FER: variants seen among roughly 807,000 people sequenced by gnomAD.
The protein encoded by FER is FER tyrosine kinase.
Under a neutral mutation model 111.0 loss-of-function variants are expected in FER, and 63 were observed. The observed-to-expected ratio is 0.57, with a 90% CI of 0.46 to 0.70. The LOEUF (loss-of-function observed/expected upper bound fraction) is 0.70. FER is among the 30% of genes least tolerant of loss of function. The probability of loss-of-function intolerance (pLI) is 0.00; values close to 1 mark genes in which losing one functional copy is unlikely to be tolerated. For missense variants in FER, 914 were observed against 954.0 expected (o/e 0.96, Z 0.55); for synonymous variants, 327 against 313.9 (o/e 1.04, Z -0.44).
chr5:109,113,508 C>T (rs1488012625), intron 17 of FER, among the ~76,000 whole-genome samples: 1 of 152,130 alleles, frequency 6.6e-6, no homozygotes, highest in African/African-American at 2.4e-5. Context: ...TCTCTTTTCA[C>T]TTCTTGGGGC....
chr5:108,910,951 A>G (rs953223364), intron 10 of FER, among the ~76,000 whole-genome samples: 6 of 152,118 alleles, frequency 3.9e-5, no homozygotes, highest in Non-Finnish European at 7.4e-5. Flanking sequence ...CAATAAACAT[A>G]TGAGTGTAGG....
At chr5:109,015,307 C>T (rs73778393) in intron 13 of FER, among the ~76,000 whole-genome samples, 9,876 of 151,978 alleles carry the variant, frequency 0.065, 411 homozygotes, top group South Asian at 0.12. Flanking sequence ...ACTTGAAATA[C>T]CAGTTCTTGG....
chr5:109,114,770 C>A (rs1750029615), intron 17 of FER, among the ~76,000 whole-genome samples: 1 of 151,916 alleles, frequency 6.6e-6, no homozygotes, highest in Non-Finnish European at 1.5e-5. Context: ...ACAAAAGCAT[C>A]CCTCTTCTCA....
intron 10 of FER, among the ~76,000 whole-genome samples, chr5:108,938,942 C>G (rs186278655): frequency 6.6e-6 from 1 of 152,022 alleles, no homozygotes; most frequent in African/African-American, 2.4e-5. Flanking sequence ...AGAATATTTT[C>G]TCTCCCAAAA....
chr5:109,028,602 T>G (rs1769120285), intron 13 of FER, among the ~76,000 whole-genome samples: 1 of 152,196 alleles, frequency 6.6e-6, no homozygotes, highest in African/African-American at 2.4e-5. Flanking sequence ...TCTCAGAACC[T>G]CAGAGTCCTG....
chr5:109,123,157 GT>G (rs747514879), intron 17 of FER, among the ~76,000 whole-genome samples: 41 of 124,208 alleles, frequency 3.3e-4, no homozygotes, highest in South Asian at 2.1e-3. Context: ...TTCCTGTCTT[GT>G]TTTTTTTTTT....
rs144162141 is a variant in FER at position 108,886,008 on chromosome 5, C to T, written c.1046+2490C>T. ...AATCTCTTCACATGTTTATAGATGA[C>T]CAAGTGGTTCTACTTTTTATAATTT... On this transcript the variant is annotated intron_variant, in intron 9 of 19. Transcript: ENST00000281092. Among the ~76,000 whole-genome samples the T allele has an allele frequency of 3.1e-3, 464 of 151,870 alleles. 2 individuals are homozygous for T. Among genetic ancestry groups the T allele is most frequent in the African/African-American group, 0.011 (437 of 41,492 alleles).
intron 14 of FER, among the ~76,000 whole-genome samples, chr5:109,043,614 G>C (rs1771502886): frequency 6.6e-6 from 1 of 152,108 alleles, no homozygotes; most frequent in Admixed American, 6.6e-5. Context: ...CTAAAACTCA[G>C]TAAGCAAAGT....
chr5:108,836,793 C>T (rs1174921491), intron 5 of FER, among the ~76,000 whole-genome samples: 4 of 151,888 alleles, frequency 2.6e-5, no homozygotes, highest in African/African-American at 9.7e-5. Context: ...CTTCCTTTCT[C>T]TCTCCTTTTC....
At position 108,909,905 on chromosome 5, in the gene FER, A is replaced by G. The variant is rs1018619124; in HGVS notation, c.1236+12057A>G. ...ATGCTACATAAAGAGGAAATTTCAG[A>G]TGTATTAAATACTCAAATATTTTTA... On this transcript the variant is annotated intron_variant, in intron 10 of 19. Coordinates refer to ENST00000281092, the MANE Select transcript of FER (RefSeq NM_005246.4). Among the ~76,000 whole-genome samples, 20 of 151,818 alleles carry G rather than the reference A, an allele frequency of 1.3e-4. No homozygotes were observed. The South Asian group carries it at 3.9e-3, about 30-fold the overall frequency.
intron 18 of FER, among the ~76,000 whole-genome samples, chr5:109,183,153 T>A (rs946614563): frequency 3.3e-5 from 5 of 151,938 alleles, no homozygotes; most frequent in Non-Finnish European, 5.9e-5. Flanking sequence ...AATGAGAGAG[T>A]TCCTGAAAGA....
At chr5:108,955,266 C>G (rs1758290664) in intron 12 of FER, among the ~76,000 whole-genome samples, 1 of 151,494 alleles carries the variant, frequency 6.6e-6, no homozygotes, top group Admixed American at 6.6e-5. Context: ...TCTAGAGAAA[C>G]TTAAGTTTAT....
chr5:109,058,724 CTTTTTT>C (rs746184286), intron 16 of FER, among the ~76,000 whole-genome samples: 18 of 76,244 alleles, frequency 2.4e-4, no homozygotes, highest in South Asian at 8.9e-4. Context: ...TTCTTTCTTT[CTTTTTT>C]TTTTTTTTTT....
intron 10 of FER, among the ~76,000 whole-genome samples, chr5:108,917,863 T>C (rs991707179): frequency 4.6e-5 from 7 of 152,234 alleles, no homozygotes; most frequent in African/African-American, 1.7e-4. Context: ...GAGATAAGAC[T>C]GTGCTCCCTG....
intron 13 of FER, among the ~76,000 whole-genome samples, chr5:108,980,908 T>G (rs186889012): frequency 6.6e-6 from 1 of 152,244 alleles, no homozygotes; most frequent in African/African-American, 2.4e-5. Flanking sequence ...AAAATTTTAG[T>G]AAAAACTGAA....
At chr5:108,845,419 G>A (rs2150171466) in intron 5 of FER, among the ~76,000 whole-genome samples, 1 of 152,064 alleles carries the variant, frequency 6.6e-6, no homozygotes, top group East Asian at 1.9e-4. Context: ...CTGACCTCAA[G>A]TGATATGCCT....
intron 13 of FER, among the ~76,000 whole-genome samples, chr5:108,996,006 C>G (rs1763935139): frequency 6.6e-6 from 1 of 152,214 alleles, no homozygotes; most frequent in Non-Finnish European, 1.5e-5. Flanking sequence ...TTGCATTTCT[C>G]TAATGACCAG....
intron 13 of FER, among the ~76,000 whole-genome samples, chr5:109,000,465 G>C (rs1186652299): frequency 6.6e-6 from 1 of 151,694 alleles, no homozygotes; most frequent in Non-Finnish European, 1.5e-5. Context: ...CGAGAAAAAA[G>C]ACACAACATT....
intron 10 of FER, among the ~76,000 whole-genome samples, chr5:108,945,234 T>C (rs1323626757): frequency 1.3e-5 from 2 of 152,162 alleles, no homozygotes; most frequent in Non-Finnish European, 2.9e-5. Flanking sequence ...CTTGTTCTTT[T>C]GTCTGCTGCT....
Sources: gnomAD v4.1 joint callset for allele counts (sites outside exome capture counted in the v4.1 genomes callset) on GRCh38, gnomAD v4.1.1 for gene constraint, MANE v1.5 for transcripts, NCBI Gene and HGNC (gene_info 2026-07-23, HGNC 2026-07-21) for gene names.